Variants in ZSWIM5 observed in about 807,000 individuals in gnomAD.
ZSWIM5 encodes zinc finger SWIM-type containing 5, also known as zinc finger SWIM domain-containing protein 5.
In ZSWIM5, 55 loss-of-function variants were observed where a neutral mutation model predicts 119.6. The observed-to-expected ratio is 0.46, with a 90% CI of 0.37 to 0.58. ZSWIM5 has a LOEUF of 0.58. Among genes scored for constraint, ZSWIM5 ranks in the 20% least tolerant of loss-of-function variants. ZSWIM5 has a pLI of 0.00. For synonymous variants in ZSWIM5, 537 were observed against 606.9 expected (o/e 0.88, Z 1.69); for missense variants, 1,193 against 1,512.8 (o/e 0.79, Z 3.51).
rs1321405111 is a variant in ZSWIM5, at chr1:45,088,914, T to C, written c.596-677A>G. Among the ~76,000 whole-genome samples, 1 of 152,080 alleles carries C rather than the reference T, an allele frequency of 6.6e-6. No homozygotes were observed. The highest frequency in any genetic ancestry group is 2.4e-5 in the African/African-American group (1 of 41,402). On this transcript the variant is annotated intron_variant, in intron 1 of 13. Coordinates refer to ENST00000359600, the MANE Select transcript of ZSWIM5 (RefSeq NM_020883.2). This position sits in a 1 kb window ranked among gnomAD's most constrained non-coding sequence, Gnocchi z 4.2. ...AGAACCCATTTTTAACGTAACAAAA[T>C]TAAAAGATAAAATCAATAGCAAATC...
chr1:45,201,457 T>C (rs1271778267), intron 1 of ZSWIM5, among the ~76,000 whole-genome samples: 3 of 152,218 alleles, frequency 2.0e-5, no homozygotes, highest in South Asian at 2.1e-4. Flanking sequence ...TGGTGTATAG[T>C]TCCATACATT....
chr1:45,186,855 G>C (rs1165133260), intron 1 of ZSWIM5, among the ~76,000 whole-genome samples: 1 of 152,084 alleles, frequency 6.6e-6, no homozygotes, highest in Non-Finnish European at 1.5e-5. Flanking sequence ...TCCTCCCAAA[G>C]TGTTGGGATT....
intron 1 of ZSWIM5, among the ~76,000 whole-genome samples, chr1:45,146,563 C>G (rs565394826): frequency 1.3e-5 from 2 of 150,912 alleles, no homozygotes; most frequent in Non-Finnish European, 2.9e-5. Flanking sequence ...CCTCAGCCTC[C>G]TGAGTAGCTG....
At chr1:45,152,551 T>C (rs906909397) in intron 1 of ZSWIM5, among the ~76,000 whole-genome samples, 1 of 152,102 alleles carries the variant, frequency 6.6e-6, no homozygotes, top group Non-Finnish European at 1.5e-5. Context: ...GTTAGAGATA[T>C]GCAGAAAAAT....
chr1:45,158,508 T>C (rs1570162071), intron 1 of ZSWIM5, among the ~76,000 whole-genome samples: 1 of 152,302 alleles, frequency 6.6e-6, no homozygotes, highest in East Asian at 1.9e-4. Flanking sequence ...ACAGAACTCC[T>C]CTCCTTAAAA....
intron 1 of ZSWIM5, among the ~76,000 whole-genome samples, chr1:45,096,685 G>A (rs1645405490): frequency 6.6e-6 from 1 of 152,010 alleles, no homozygotes; most frequent in South Asian, 2.1e-4. Flanking sequence ...CTTGCCCCTC[G>A]GATCACAAAG....
At chr1:45,077,121 ATGAGG>A in intron 2 of ZSWIM5, among the ~76,000 whole-genome samples, 1 of 151,936 alleles carries the variant, frequency 6.6e-6, no homozygotes, top group African/African-American at 2.4e-5. Flanking sequence ...AGTTCATTTG[ATGAGG>A]TCATGTTTTC....
At chr1:45,170,130 G>A (rs1698295) in intron 1 of ZSWIM5, among the ~76,000 whole-genome samples, 24,328 of 151,982 alleles carry the variant, frequency 0.16, 2,668 homozygotes, top group African/African-American at 0.3. Flanking sequence ...TTCCGAAAAA[G>A]CCATCTGAAA....
intron 2 of ZSWIM5, among the ~76,000 whole-genome samples, chr1:45,085,270 C>A (rs1307080869): frequency 6.6e-6 from 1 of 152,168 alleles, no homozygotes; most frequent in Non-Finnish European, 1.5e-5. Context: ...GAGCCCTGGG[C>A]CTGGCCTATG....
intron 1 of ZSWIM5, among the ~76,000 whole-genome samples, chr1:45,181,108 A>G (rs1298219004): frequency 6.6e-6 from 1 of 152,184 alleles, no homozygotes; most frequent in Non-Finnish European, 1.5e-5. Flanking sequence ...AGTTGAGAAA[A>G]GAAGGCTTCA....
At chr1:45,196,033 A>AGTTTTTT (rs1646120231) in intron 1 of ZSWIM5, among the ~76,000 whole-genome samples, 3 of 110,212 alleles carry the variant, frequency 2.7e-5, no homozygotes, top group Non-Finnish European at 5.9e-5. Context: ...ACACCCAGCT[A>AGTTTTTT]GTTTTTTTTT....
chr1:45,065,900 T>G (rs933297217), intron 2 of ZSWIM5, among the ~76,000 whole-genome samples: 2 of 151,974 alleles, frequency 1.3e-5, no homozygotes, highest in Non-Finnish European at 2.9e-5. Flanking sequence ...TTAGGGTACA[T>G]GTGCACAATG....
chr1:45,153,339 T>C (rs562930896), intron 1 of ZSWIM5, among the ~76,000 whole-genome samples: 143 of 151,500 alleles, frequency 9.4e-4, no homozygotes, highest in African/African-American at 3.2e-3. Flanking sequence ...CTGGCCAACA[T>C]TGCGAAAAAT....
chr1:45,064,201 C>G (rs1222528438), intron 2 of ZSWIM5, among the ~76,000 whole-genome samples: 4 of 152,122 alleles, frequency 2.6e-5, no homozygotes, highest in Non-Finnish European at 5.9e-5. Context: ...TTGTATTCTC[C>G]TGATATTCAT....
Position 45,074,493 on chromosome 1 carries a change from T to C in ZSWIM5, c.952+13388A>G, listed in dbSNP as rs182678944. On this transcript the variant is annotated intron_variant, in intron 2 of 13. Coordinates refer to ENST00000359600, the MANE Select transcript of ZSWIM5 (RefSeq NM_020883.2). ...TGAAATTTGTTCATTGCTTTTAGAT[T>C]TTCTGATTTACTGGCATATAGTTGT... Among the ~76,000 whole-genome samples, 77 of 152,072 alleles carry C rather than the reference T, an allele frequency of 5.1e-4. 2 individuals are homozygous for C. The highest frequency in any genetic ancestry group is 1.7e-3 in the African/African-American group (69 of 41,364).
At chr1:45,026,421 A>T (rs6662159) in intron 11 of ZSWIM5, among the ~76,000 whole-genome samples, 35,970 of 150,612 alleles carry the variant, frequency 0.24, 4,538 homozygotes, top group Admixed American at 0.33. Flanking sequence ...TTTTTTTTTT[A>T]AATTATGAAT....
rs1644984411 is a variant in ZSWIM5, at chr1:45,036,361, T to C, written c.1895-62A>G. 2.4e-5 allele frequency: 36 copies of C among 1,525,680 alleles called. No homozygotes were observed. In the South Asian group the frequency reaches 3.9e-4, roughly 16 times the overall value. 94.5% of individuals were successfully genotyped at this position (1,525,680 alleles called of 1,614,324 possible). On this transcript the variant is annotated intron_variant, in intron 8 of 13. Transcript: ENST00000359600. Reference sequence around the variant, plus strand: ...CTTGGTAGAGTCTTCTTTCTTTTTTTTTTTTTTTTTTGAGACAGAGTCTTG... The same window carrying C: ...CTTGGTAGAGTCTTCTTTCTTTTTTCTTTTTTTTTTTGAGACAGAGTCTTG...
Position 45,057,587 on chromosome 1 carries a change from A to C in ZSWIM5, c.1252+1022T>G, listed in dbSNP as rs1264182754. ...GCACTTTGAAGAAATAAAAGGACTT[A>C]AGATAGAATTGAGGGAGATGTTACA... is the stretch of plus-strand genomic sequence containing the variant. On this transcript the variant is annotated intron_variant, in intron 4 of 13. Transcript: ENST00000359600. This position sits in a 1 kb window ranked among gnomAD's most constrained non-coding sequence, Gnocchi z 4.7. Among the ~76,000 whole-genome samples the C allele has an allele frequency of 6.6e-6, 1 of 152,238 alleles. No individual in the cohort carries two copies. Among genetic ancestry groups the C allele is most frequent in the Non-Finnish European group, 1.5e-5 (1 of 68,042 alleles).
chr1:45,181,305 G>A (rs1459364158), intron 1 of ZSWIM5, among the ~76,000 whole-genome samples: 2 of 152,048 alleles, frequency 1.3e-5, no homozygotes, highest in Non-Finnish European at 2.9e-5. Flanking sequence ...CTCAGGAGCC[G>A]ATGCGATCAA....
Sources: gnomAD v4.1 joint callset for allele counts (sites outside exome capture counted in the v4.1 genomes callset) on GRCh38, gnomAD v4.1.1 for gene constraint, Gnocchi (gnomAD v3.1) non-coding constraint, MANE v1.5 for transcripts, NCBI Gene and HGNC (gene_info 2026-07-23, HGNC 2026-07-21) for gene names.